Variants in EFL1 observed in about 807,000 individuals in gnomAD.
The protein encoded by EFL1 is elongation factor-like GTPase 1.
EFL1 carries 76 observed loss-of-function variants against 126.7 expected under a neutral mutation model. That is an observed-to-expected ratio of 0.60 (90% CI 0.50 to 0.73). EFL1 has a LOEUF of 0.73. EFL1 is among the 30% of genes least tolerant of loss of function. EFL1 has a pLI of 0.00. For missense variants in EFL1, 1,128 were observed against 1,343.2 expected (o/e 0.84, Z 2.50); for synonymous variants, 410 against 448.4 (o/e 0.91, Z 1.08).
chr15:82,246,950 G>A (rs1249837439), intron 4 of EFL1, among the ~76,000 whole-genome samples: 1 of 152,124 alleles, frequency 6.6e-6, no homozygotes, highest in Non-Finnish European at 1.5e-5. Context: ...TAGCCCAAAT[G>A]CAAGGATGAA....
At chr15:82,139,681 C>G (rs1369847519) in intron 18 of EFL1, among the ~76,000 whole-genome samples, 1 of 152,242 alleles carries the variant, frequency 6.6e-6, no homozygotes, top group African/African-American at 2.4e-5. Context: ...CTGTAACCAG[C>G]AGATACTCTC....
chr15:82,226,547 G>A (rs1191537545), intron 11 of EFL1, among the ~76,000 whole-genome samples: 1 of 152,172 alleles, frequency 6.6e-6, no homozygotes, highest in East Asian at 1.9e-4. Context: ...TAACTGAGAT[G>A]GGAATGACTA....
chr15:82,249,610 C>T (rs550526332), intron 4 of EFL1, among the ~76,000 whole-genome samples: 4 of 152,032 alleles, frequency 2.6e-5, no homozygotes, highest in South Asian at 4.2e-4. Context: ...TTTTACAGAA[C>T]GTATATTGTT....
At chr15:82,256,548 C>T (rs1002050092) in intron 3 of EFL1, among the ~76,000 whole-genome samples, 2 of 152,188 alleles carry the variant, frequency 1.3e-5, no homozygotes, top group African/African-American at 4.8e-5. Context: ...GGTGTGACAG[C>T]CATTCTTGCC....
intron 7 of EFL1, among the ~76,000 whole-genome samples, chr15:82,237,047 G>A (rs2074880214): frequency 6.6e-6 from 1 of 152,206 alleles, no homozygotes; most frequent in South Asian, 2.1e-4. Flanking sequence ...GGAGGCTGAG[G>A]CAGGAGAATC....
rs1184791491 is a variant in EFL1 at position 82,130,368 on chromosome 15, G to A, written c.*5C>T. The A allele has an allele frequency of 1.2e-6, 2 of 1,613,742 alleles. No homozygotes were observed. Among genetic ancestry groups the A allele is most frequent in the East Asian group, 2.2e-5 (1 of 44,882 alleles). Reference sequence around the variant, plus strand: ...TAAGGAAAAGAATCCACCAGTAGTAGGTAGCTACTTATTTTTGCTGAGTGT... The same window carrying A: ...TAAGGAAAAGAATCCACCAGTAGTAAGTAGCTACTTATTTTTGCTGAGTGT... On this transcript the variant is annotated 3_prime_UTR_variant, in exon 20 of 20. Transcript: ENST00000268206.
At chr15:82,215,522 G>C (rs1030757251) in intron 14 of EFL1, 1 of 152,014 alleles carries the variant, frequency 6.6e-6, no homozygotes, top group African/African-American at 2.4e-5. Context: ...TATTCTTATG[G>C]AACTATTGTC....
intron 19 of EFL1, among the ~76,000 whole-genome samples, chr15:82,137,496 A>G (rs2654222): frequency 0.23 from 35,637 of 152,154 alleles, 5,063 homozygotes; most frequent in South Asian, 0.42. Flanking sequence ...TCGCATCAGC[A>G]AGGGCTGGTC....
At chr15:82,225,043 G>T (rs1288604839) in intron 12 of EFL1, 122 bp downstream of exon 12, 4 of 617,622 alleles carry the variant, frequency 6.5e-6, no homozygotes, top group Non-Finnish European at 8.2e-6. Flanking sequence ...GGGTTGGCTT[G>T]ATATGAATTC....
chr15:82,252,289 A>G lies in EFL1; in HGVS notation c.244+402T>C, dbSNP rs141316988. Among the ~76,000 whole-genome samples the G allele has an allele frequency of 2.6e-5, 4 of 152,334 alleles. No homozygotes were observed. The East Asian group carries it at 7.7e-4, about 29-fold the overall frequency. On this transcript the variant is annotated intron_variant, in intron 4 of 19. Transcript: ENST00000268206. ...TAAATTCCTAGAAGTGTTACTATCAATGTAGCATCCTCATTTGAGGACAGC... is the reference window on the plus strand; with the variant it reads ...TAAATTCCTAGAAGTGTTACTATCAGTGTAGCATCCTCATTTGAGGACAGC...
chr15:82,261,602 A>G, intron 2 of EFL1, 86 bp downstream of exon 2: 1 of 1,273,442 alleles, frequency 7.9e-7, no homozygotes, highest in Non-Finnish European at 1.1e-6. Flanking sequence ...CATCACTCTC[A>G]GCTGTCCACA....
chr15:82,205,144 T>TAA (rs2074511355), intron 15 of EFL1, among the ~76,000 whole-genome samples: 1 of 152,174 alleles, frequency 6.6e-6, no homozygotes, highest in Non-Finnish European at 1.5e-5. Flanking sequence ...TCCAAGCTTG[T>TAA]AACTAGGGAA....
intron 18 of EFL1, 82 bp from the exon 19 acceptor site, chr15:82,138,924 G>T: frequency 8.1e-7 from 1 of 1,241,886 alleles, no homozygotes; most frequent in Non-Finnish European, 1.1e-6. Context: ...CATATACTCT[G>T]TAACAATCCA....
chr15:82,256,730 T>G (rs1237665058), intron 3 of EFL1, among the ~76,000 whole-genome samples: 1 of 152,230 alleles, frequency 6.6e-6, no homozygotes, highest in African/African-American at 2.4e-5. Context: ...TCTTTATATC[T>G]GTTGAAATGA....
chr15:82,172,987 A>G (rs1228297466), intron 15 of EFL1, among the ~76,000 whole-genome samples: 1 of 152,176 alleles, frequency 6.6e-6, no homozygotes, highest in Non-Finnish European at 1.5e-5. Flanking sequence ...TGATGTCAGA[A>G]TATTTGTTAT....
intron 19 of EFL1, among the ~76,000 whole-genome samples, chr15:82,132,738 C>T (rs1176672892): frequency 7.3e-6 from 1 of 136,966 alleles, no homozygotes; most frequent in African/African-American, 2.6e-5. Context: ...GGAATTTAGA[C>T]GAGAAACGGC....
At chr15:82,174,811 C>A (rs1595960499) in intron 15 of EFL1, among the ~76,000 whole-genome samples, 1 of 152,326 alleles carries the variant, frequency 6.6e-6, no homozygotes, top group South Asian at 2.1e-4. Context: ...CCCGATGCCA[C>A]TCCTGTGTCC....
chr15:82,232,859 CTGTTT>C (rs2074836224), intron 7 of EFL1, among the ~76,000 whole-genome samples: 2 of 151,924 alleles, frequency 1.3e-5, no homozygotes, highest in Non-Finnish European at 2.9e-5. Flanking sequence ...ATTGGTACAA[CTGTTT>C]TGATCAGTTA....
rs965836256 is a variant in EFL1, at chr15:82,151,848, A to C, written c.2606T>G (p.Ile869Ser). ...GGTTGCTAGTTGGAAGCCACTCACAATGCTATTGCCCAAATCTCGGTATCT... is the reference window on the plus strand; with the variant it reads ...GGTTGCTAGTTGGAAGCCACTCACACTGCTATTGCCCAAATCTCGGTATCT... ...ASRYRDLGNS[I>S]VSGFQLATLS... Residue 869 changes from isoleucine to serine, a missense_variant, in exon 18 of 20, where the codon ATT becomes AGT. Physicochemically the swap from Ile to Ser is moderately radical, Grantham distance 142. Coordinates refer to ENST00000268206, the MANE Select transcript of EFL1 (RefSeq NM_024580.6). The C allele has an allele frequency of 1.2e-6, 2 of 1,614,090 alleles. No homozygotes were observed. Among genetic ancestry groups the C allele is most frequent in the African/African-American group, 2.7e-5 (2 of 75,026 alleles).
Sources: allele counts gnomAD v4.1 joint callset (sites outside exome capture counted in the v4.1 genomes callset), GRCh38; gene constraint gnomAD v4.1.1; transcripts MANE v1.5; gene names NCBI Gene and HGNC (gene_info 2026-07-23, HGNC 2026-07-21).